PASD1: variants seen among roughly 807,000 people sequenced by gnomAD.
The protein encoded by PASD1 is PAS domain containing repressor 1, also known as circadian clock protein PASD1.
Under a neutral mutation model 58.8 loss-of-function variants are expected in PASD1, and 13 were observed. The observed-to-expected ratio is 0.22, with a 90% confidence interval of 0.14 to 0.35. PASD1 has a LOEUF of 0.35. Ranked by LOEUF, PASD1 falls within the 10% of genes least tolerant of loss-of-function variation. The probability of loss-of-function intolerance (pLI) is 1.00; values close to 1 mark genes in which losing one functional copy is unlikely to be tolerated. For synonymous variants in PASD1, 236 were observed against 216.7 expected (o/e 1.09, Z -0.78); for missense variants, 734 against 568.3 (o/e 1.29, Z -2.96).
At chrX:151,649,153 TC>T (rs745423194) in intron 9 of PASD1, among the ~76,000 whole-genome samples, 24 of 111,796 alleles carry the variant, frequency 2.1e-4, no homozygotes, top group African/African-American at 7.1e-4. Context: ...TCTACCTGGG[TC>T]TACCCTCAGT....
rs780633221 is a variant in PASD1 at position 151,625,492 on chromosome X, A to C, written c.591A>C (p.Thr197=). ...SKAVSDEAVL[T]QDSDEEPFVG... ...CAGTCAGTGATGAAGCTGTACTTAC[A>C]CAAGATTCAGATGAGGAACCTTTTG... Residue 197 remains threonine, a synonymous_variant, in exon 8 of 16, where the codon ACA becomes ACC. Transcript: ENST00000370357. 1.7e-6 allele frequency: 2 copies of C among 1,209,983 alleles called. No individual in the cohort carries two copies. The highest frequency in any genetic ancestry group is 2.2e-6 in the Non-Finnish European group (2 of 894,217).
chrX:151,572,945 C>G (rs1440171884), intron 1 of PASD1, among the ~76,000 whole-genome samples: 1 of 97,706 alleles, frequency 1.0e-5, no homozygotes, highest in Non-Finnish European at 2.0e-5. Flanking sequence ...GGAGCTTTTA[C>G]TCATGGTGGA....
At chrX:151,649,605 C>G (rs997104418) in intron 9 of PASD1, among the ~76,000 whole-genome samples, 1 of 112,007 alleles carries the variant, frequency 8.9e-6, no homozygotes, top group African/African-American at 3.2e-5. Flanking sequence ...GAGGAGAGAT[C>G]ATTGGCTGTC....
chrX:151,619,266 C>T (rs778481627), intron 4 of PASD1, among the ~76,000 whole-genome samples: 2 of 111,745 alleles, frequency 1.8e-5, no homozygotes, highest in South Asian at 3.8e-4. Context: ...GTTGCCATTA[C>T]TGATATTGGG....
intron 10 of PASD1, among the ~76,000 whole-genome samples, chrX:151,661,743 G>T (rs148293869): frequency 0.012 from 1,082 of 93,080 alleles, 10 homozygotes; most frequent in African/African-American, 0.039. Context: ...CTTTGACAGT[G>T]TCTCATTCTT....
chrX:151,586,340 A>T (rs2013164279), intron 1 of PASD1, among the ~76,000 whole-genome samples: 1 of 111,211 alleles, frequency 9.0e-6, no homozygotes, highest in Non-Finnish European at 1.9e-5. Flanking sequence ...TGGGTAGCGT[A>T]GCAAGAGAGA....
At chrX:151,615,689 A>G in intron 4 of PASD1, among the ~76,000 whole-genome samples, 1 of 111,996 alleles carries the variant, frequency 8.9e-6, no homozygotes. Flanking sequence ...GTTTCATTAC[A>G]TATCAGGGCA....
chrX:151,661,498 T>A lies in PASD1; in HGVS notation c.841+1662T>A, dbSNP rs776083928. On this transcript the variant is annotated intron_variant, in intron 10 of 15. Coordinates refer to ENST00000370357, the MANE Select transcript of PASD1 (RefSeq NM_173493.3). The stretch of plus-strand genomic sequence containing the variant: ...TGCAAAAATAGCACAAAGAAAAAAA[T>A]AGAAAAATAAGGGAAAGATACCATT... Among the ~76,000 whole-genome samples, 12 of 111,967 alleles carry A rather than the reference T, an allele frequency of 1.1e-4. No homozygotes were observed. In the South Asian group the frequency reaches 4.5e-3, roughly 42 times the overall value.
chrX:151,604,815 T>C, intron 3 of PASD1, 81 bp downstream of exon 3: 1 of 781,302 alleles, frequency 1.3e-6, no homozygotes, highest in Non-Finnish European at 1.9e-6. Context: ...TGTCAAAGTG[T>C]GATTAGGAGA....
At chrX:151,601,649 A>T (rs2013418935) in intron 2 of PASD1, 68 bp downstream of exon 2, 7 of 1,068,838 alleles carry the variant, frequency 6.5e-6, no homozygotes, top group Non-Finnish European at 9.0e-6. Flanking sequence ...CCCGTTTCAC[A>T]TCTAGCAAAA....
intron 8 of PASD1, among the ~76,000 whole-genome samples, chrX:151,641,273 A>AATT (rs995960074): frequency 2.7e-4 from 30 of 111,389 alleles, no homozygotes; most frequent in African/African-American, 9.5e-4. Flanking sequence ...ATTTCTATGA[A>AATT]ATGGATAGAT....
intron 10 of PASD1, among the ~76,000 whole-genome samples, chrX:151,660,348 T>C (rs2014294826): frequency 8.9e-6 from 1 of 112,533 alleles, no homozygotes; most frequent in Non-Finnish European, 1.9e-5. Flanking sequence ...ATTAATCTTA[T>C]CATAAATAAT....
intron 1 of PASD1, among the ~76,000 whole-genome samples, chrX:151,583,370 CACTA>C (rs1318176913): frequency 8.9e-6 from 1 of 111,768 alleles, no homozygotes; most frequent in Admixed American, 9.5e-5. Context: ...AATCTAAATT[CACTA>C]ACTATGGTTG....
At chrX:151,571,288 CTT>C (rs1426863216) in intron 1 of PASD1, among the ~76,000 whole-genome samples, 1 of 111,531 alleles carries the variant, frequency 9.0e-6, no homozygotes, top group African/African-American at 3.3e-5. Context: ...AACATTATGT[CTT>C]TATCTGTCTT....
At chrX:151,667,989 G>A (rs755040491) in intron 11 of PASD1, among the ~76,000 whole-genome samples, 1 of 111,474 alleles carries the variant, frequency 9.0e-6, no homozygotes, top group African/African-American at 3.3e-5. Flanking sequence ...CCATTTTCAC[G>A]ATATTGATTC....
chrX:151,653,726 TTC>T (rs1211373291), intron 9 of PASD1, among the ~76,000 whole-genome samples: 9 of 96,216 alleles, frequency 9.4e-5, no homozygotes, highest in East Asian at 3.5e-4. Flanking sequence ...CCTTCCTTCC[TTC>T]TCTCTCTCTC....
At chrX:151,575,823 C>T (rs1479420461) in intron 1 of PASD1, among the ~76,000 whole-genome samples, 1 of 109,129 alleles carries the variant, frequency 9.2e-6, no homozygotes, top group Non-Finnish European at 1.9e-5. Context: ...TAGTGCCATG[C>T]CCAGCTAATT....
At chrX:151,671,264 A>G in intron 12 of PASD1, 68 bp downstream of exon 12, 3 of 1,142,404 alleles carry the variant, frequency 2.6e-6, no homozygotes, top group Non-Finnish European at 3.5e-6. Flanking sequence ...AAGAGGAGAG[A>G]GGGACCTTGG....
chrX:151,671,551 T>G, intron 12 of PASD1, 22 bp from the exon 13 acceptor site: 4 of 1,203,369 alleles, frequency 3.3e-6, no homozygotes, highest in Non-Finnish European at 4.5e-6. Context: ...AATAAGACCT[T>G]TGTGATACTG....
Sources: allele counts gnomAD v4.1 joint callset (sites outside exome capture counted in the v4.1 genomes callset), GRCh38; gene constraint gnomAD v4.1.1; transcripts MANE v1.5; gene names NCBI Gene and HGNC (gene_info 2026-07-23, HGNC 2026-07-21).